EDIL3: variants seen among roughly 807,000 people sequenced by gnomAD.
EDIL3 encodes EGF like and discoidin domains 3.
EDIL3 carries 37 observed loss-of-function variants against 67.4 expected under a neutral mutation model. That is an observed-to-expected ratio of 0.55 (90% CI 0.42 to 0.72). The LOEUF (loss-of-function observed/expected upper bound fraction) is 0.72. Among genes scored for constraint, EDIL3 ranks in the 30% least tolerant of loss-of-function variants. The pLI, the probability that EDIL3 is intolerant of heterozygous loss-of-function variation, is 0.00. For synonymous variants in EDIL3, 195 were observed against 196.3 expected, an observed-to-expected ratio of 0.99 and a Z score of 0.05; for missense variants, 527 against 586.3, an observed-to-expected ratio of 0.90 and a Z score of 1.04.
intron 3 of EDIL3, among the ~76,000 whole-genome samples, chr5:84,211,373 T>A (rs1481661809): frequency 6.6e-6 from 1 of 152,200 alleles, no homozygotes; most frequent in African/African-American, 2.4e-5. Context: ...CTGAGGCTCT[T>A]ACCAGATGCA....
At chr5:84,102,139 C>T (rs768193574) in intron 6 of EDIL3, among the ~76,000 whole-genome samples, 14 of 152,022 alleles carry the variant, frequency 9.2e-5, no homozygotes, top group African/African-American at 1.7e-4. Flanking sequence ...TAAAAACTCT[C>T]AATAAACTTG....
intron 9 of EDIL3, chr5:84,047,578 G>A (rs1280030185): frequency 1.3e-5 from 2 of 151,978 alleles, no homozygotes; most frequent in African/African-American, 4.8e-5. Flanking sequence ...AAATTAGCTG[G>A]TGTCTTGATA....
At chr5:84,181,814 C>T (rs1409046441) in intron 3 of EDIL3, among the ~76,000 whole-genome samples, 1 of 152,090 alleles carries the variant, frequency 6.6e-6, no homozygotes, top group Non-Finnish European at 1.5e-5. Flanking sequence ...CTAATTTAGT[C>T]TGTACTGATT....
intron 10 of EDIL3, among the ~76,000 whole-genome samples, chr5:83,951,029 C>T (rs1744409737): frequency 6.6e-6 from 1 of 151,626 alleles, no homozygotes; most frequent in African/African-American, 2.4e-5. Flanking sequence ...ACCCTGTTTG[C>T]TTCAGAGACT....
chr5:84,110,581 C>T (rs913983691), intron 5 of EDIL3, among the ~76,000 whole-genome samples: 9 of 151,938 alleles, frequency 5.9e-5, no homozygotes, highest in African/African-American at 2.2e-4. Context: ...AAAAGTGTAC[C>T]CACATGTGTT....
At chr5:84,159,365 A>G (rs1344318594) in intron 4 of EDIL3, among the ~76,000 whole-genome samples, 2 of 152,082 alleles carry the variant, frequency 1.3e-5, no homozygotes, top group East Asian at 3.8e-4. Flanking sequence ...CCAAGTGTGT[A>G]GGTAGAAAAT....
At chr5:84,142,679 A>C (rs576369603) in intron 4 of EDIL3, among the ~76,000 whole-genome samples, 12 of 152,122 alleles carry the variant, frequency 7.9e-5, no homozygotes, top group African/African-American at 2.9e-4. Flanking sequence ...GAGAAGACAA[A>C]GACAATGTAT....
chr5:84,182,482 A>G (rs1749030844), intron 3 of EDIL3, among the ~76,000 whole-genome samples: 1 of 151,782 alleles, frequency 6.6e-6, no homozygotes, highest in Non-Finnish European at 1.5e-5. Context: ...AAAAAAACAA[A>G]CAAACAAACT....
intron 9 of EDIL3, among the ~76,000 whole-genome samples, chr5:84,046,592 C>A (rs913109555): frequency 6.6e-6 from 1 of 152,162 alleles, no homozygotes; most frequent in Admixed American, 6.6e-5. Flanking sequence ...TTACTGATTA[C>A]AATTGATTCT....
intron 3 of EDIL3, among the ~76,000 whole-genome samples, chr5:84,185,433 TC>T (rs1743386816): frequency 6.6e-6 from 1 of 152,148 alleles, no homozygotes; most frequent in Admixed American, 6.6e-5. Context: ...TTTCAAGTAC[TC>T]ATGACAGAGT....
intron 9 of EDIL3, among the ~76,000 whole-genome samples, chr5:83,967,280 C>T (rs1177925594): frequency 1.3e-5 from 2 of 152,062 alleles, no homozygotes; most frequent in Non-Finnish European, 2.9e-5. Context: ...GAGACTGTGC[C>T]ACTGTACTCC....
chr5:84,003,267 C>T (rs2112171795), intron 9 of EDIL3, among the ~76,000 whole-genome samples: 1 of 152,290 alleles, frequency 6.6e-6, no homozygotes, highest in Non-Finnish European at 1.5e-5. Context: ...TTCTGTATTT[C>T]CATGGGGTGT....
chr5:84,375,551 T>C (rs1240502590), intron 1 of EDIL3, among the ~76,000 whole-genome samples: 1 of 152,182 alleles, frequency 6.6e-6, no homozygotes, highest in Non-Finnish European at 1.5e-5. Flanking sequence ...TTCATTACAC[T>C]AGGAGAAATA....
At chr5:84,030,684 T>C (rs1338035724) in intron 9 of EDIL3, among the ~76,000 whole-genome samples, 1 of 152,190 alleles carries the variant, frequency 6.6e-6, no homozygotes, top group Non-Finnish European at 1.5e-5. Flanking sequence ...TTCTGAATTC[T>C]ATAATAGCAG....
chr5:84,186,257 G>C (rs1032886067), intron 3 of EDIL3, among the ~76,000 whole-genome samples: 2 of 152,028 alleles, frequency 1.3e-5, no homozygotes, highest in Non-Finnish European at 2.9e-5. Context: ...TAATCACCTA[G>C]AGCATATAGT....
chr5:83,967,459 A>G (rs1744716919), intron 9 of EDIL3, among the ~76,000 whole-genome samples: 1 of 152,156 alleles, frequency 6.6e-6, no homozygotes, highest in African/African-American at 2.4e-5. Flanking sequence ...TGAGTTACTT[A>G]TTTCACTCTA....
intron 3 of EDIL3, chr5:84,197,081 A>G (rs990692932): frequency 6.6e-6 from 1 of 152,054 alleles, no homozygotes; most frequent in Non-Finnish European, 1.5e-5. Flanking sequence ...TTATAACATC[A>G]TTTGAACATC....
At chr5:84,176,223 AT>A (rs1561453870) in intron 4 of EDIL3, among the ~76,000 whole-genome samples, 16 of 131,346 alleles carry the variant, frequency 1.2e-4, no homozygotes, top group Non-Finnish European at 1.6e-4. Flanking sequence ...ATATATATAT[AT>A]ATAATATATT....
intron 1 of EDIL3, among the ~76,000 whole-genome samples, chr5:84,331,475 G>C (rs1210215409): frequency 6.6e-6 from 1 of 152,140 alleles, no homozygotes; most frequent in African/African-American, 2.4e-5. Context: ...CACAAGATCT[G>C]ATGGTTTTAT....
Sources: allele counts gnomAD v4.1 joint callset (sites outside exome capture counted in the v4.1 genomes callset), GRCh38; gene constraint gnomAD v4.1.1; transcripts MANE v1.5; gene names NCBI Gene and HGNC (gene_info 2026-07-23, HGNC 2026-07-21).